The following MCF2L variants were observed in gnomAD, a reference collection of about 807,000 sequenced individuals.
The protein encoded by MCF2L is guanine nucleotide exchange factor DBS.
A neutral mutation model predicts 153.4 loss-of-function variants in MCF2L; 97 were observed. The ratio of observed to expected loss-of-function variants is 0.63; its 90% confidence interval spans 0.54 to 0.75. The LOEUF is 0.75. MCF2L is among the 30% of genes least tolerant of loss of function. The pLI, the probability that MCF2L is intolerant of heterozygous loss-of-function variation, is 0.00. For missense variants in MCF2L, 1,347 were observed against 1,495.2 expected (o/e 0.90, Z 1.64); for synonymous variants, 659 against 632.2 (o/e 1.04, Z -0.64).
At chr13:113,012,750 T>A (rs2084245581) in intron 1 of MCF2L, among the ~76,000 whole-genome samples, 1 of 113,200 alleles carries the variant, frequency 8.8e-6, no homozygotes, top group Non-Finnish European at 1.9e-5. Context: ...GTGGACACTG[T>A]GATGCGGACG....
At chr13:113,033,705 T>C (rs2141400972) in intron 3 of MCF2L, among the ~76,000 whole-genome samples, 1 of 152,248 alleles carries the variant, frequency 6.6e-6, no homozygotes, top group South Asian at 2.1e-4. Context: ...GGCCTGAGGC[T>C]GTGCTGGCCC....
chr13:113,026,385 C>T (rs1188659894), intron 3 of MCF2L, among the ~76,000 whole-genome samples: 3 of 152,210 alleles, frequency 2.0e-5, no homozygotes, highest in African/African-American at 7.2e-5. Flanking sequence ...CATCATGGTT[C>T]CGAGGAGCTC....
At position 113,022,516 on chromosome 13, in the gene MCF2L, G is replaced by A. The variant is rs180730628; in HGVS notation, c.164-2128G>A. Among the ~76,000 whole-genome samples the A allele has an allele frequency of 5.0e-3, 755 of 152,326 alleles. 3 individuals are homozygous for A. The highest frequency in any genetic ancestry group is 6.0e-3 in the African/African-American group (251 of 41,582). ...ACTCCACACACATAGGCTTCTGGGCGGTGCTGGAAGCTTCTGGCCCCTGAA... is the reference window on the plus strand; with the variant it reads ...ACTCCACACACATAGGCTTCTGGGCAGTGCTGGAAGCTTCTGGCCCCTGAA... On this transcript the variant is annotated intron_variant, in intron 2 of 29. Transcript: ENST00000535094.
intron 1 of MCF2L, among the ~76,000 whole-genome samples, chr13:112,980,338 T>C (rs1168756115): frequency 2.0e-5 from 3 of 152,240 alleles, no homozygotes; most frequent in African/African-American, 7.2e-5. Context: ...TGTTGCTGAT[T>C]TCCGCTCCAT....
rs1306352433 is a variant in MCF2L at position 113,011,788 on chromosome 13, G to A, written c.80-2975G>A. Among the ~76,000 whole-genome samples the A allele has an allele frequency of 2.1e-4, 26 of 123,742 alleles. 1 individual carries two copies. The highest frequency in any genetic ancestry group is 3.8e-4 in the Non-Finnish European group (22 of 58,400). 81.2% of individuals were successfully genotyped at this position (123,742 alleles called of 152,430 possible). A position where few individuals can be genotyped will look rare whatever the true frequency, so the allele number is the denominator to read the frequency against. ...ACAGGCGGTGTGGACGGTGGACACT[G>A]TGATGCGGACGGTGGACAGGCGGTG... On this transcript the variant is annotated intron_variant, in intron 1 of 29. Transcript: ENST00000535094.
chr13:113,026,593 C>T (rs1284847016), intron 3 of MCF2L, among the ~76,000 whole-genome samples: 1 of 152,176 alleles, frequency 6.6e-6, no homozygotes, highest in East Asian at 1.9e-4. Context: ...TTCTGCGGTG[C>T]GAGGGCTTCT....
rs917621574 is a variant in MCF2L, at chr13:112,960,312, G to C, written c.170-54451G>C. On this transcript the variant is annotated intron_variant, in intron 2 of 29. Coordinates refer to the MCF2L transcript ENST00000375608. The surrounding 1 kb of genome is among the most constrained non-coding windows in gnomAD (Gnocchi z 4.2). Reference sequence around the variant, plus strand: ...GGGGGCCAAGCGCGCTCTCACAACTGAAACAGCGCTCGTCCAGTCATGAGG... The same window carrying C: ...GGGGGCCAAGCGCGCTCTCACAACTCAAACAGCGCTCGTCCAGTCATGAGG... 6.6e-6 allele frequency among the ~76,000 whole-genome samples: 1 copy of C among 152,172 alleles called. No individual in the cohort carries two copies. The highest frequency in any genetic ancestry group is 1.5e-5 in the Non-Finnish European group (1 of 68,036).
intron 2 of MCF2L, chr13:112,917,487 C>T (rs560730301): frequency 6.8e-5 from 21 of 308,786 alleles, no homozygotes; most frequent in African/African-American, 2.4e-4. Context: ...CCCTCCCCAC[C>T]GCCGTCTCGC....
chr13:113,092,163 T>C (rs1405359738), intron 26 of MCF2L, among the ~76,000 whole-genome samples: 1 of 152,274 alleles, frequency 6.6e-6, no homozygotes, highest in Non-Finnish European at 1.5e-5. Context: ...TGAACTGGAG[T>C]CGGCAGAGCC....
At chr13:112,915,442 G>T (rs375366313) in intron 2 of MCF2L, among the ~76,000 whole-genome samples, 9 of 108,404 alleles carry the variant, frequency 8.3e-5, no homozygotes, top group African/African-American at 3.3e-4. Flanking sequence ...CTCACTACAC[G>T]CATCAGCAGT....
chr13:112,933,201 T>C (rs1440514951), intron 2 of MCF2L, among the ~76,000 whole-genome samples: 1 of 152,180 alleles, frequency 6.6e-6, no homozygotes, highest in African/African-American at 2.4e-5. Context: ...TCCAGTTGTG[T>C]GTCTGATCCA....
At chr13:112,958,523 C>G (rs1382433317) in intron 2 of MCF2L, among the ~76,000 whole-genome samples, 1 of 152,166 alleles carries the variant, frequency 6.6e-6, no homozygotes, top group African/African-American at 2.4e-5. Context: ...GACTGGGTGG[C>G]GGGGGCTGGG....
rs1005184948 is a variant in MCF2L, at chr13:113,074,891, G to T, written c.1117-107G>T. On this transcript the variant is annotated intron_variant, in intron 10 of 29. Transcript: ENST00000535094. This position sits in a 1 kb window ranked among gnomAD's most constrained non-coding sequence, Gnocchi z 4.2. ...TCAGGCATCCGCAGCAGTAAACAAA[G>T]AAATCAAGACACACGTGTGCCCCGG... 2.0e-5 allele frequency: 21 copies of T among 1,057,210 alleles called. No homozygotes were observed. Among genetic ancestry groups the T allele is most frequent in the Middle Eastern group, 2.2e-4 (1 of 4,644 alleles). The allele number at this position is 1,057,210 out of a possible 1,614,324, so 65.5% of individuals were successfully genotyped here. A position where few individuals can be genotyped will look rare whatever the true frequency, so the allele number is the denominator to read the frequency against.
At chr13:112,916,044 A>G (rs887991951) in intron 2 of MCF2L, among the ~76,000 whole-genome samples, 1 of 141,602 alleles carries the variant, frequency 7.1e-6, no homozygotes, top group Non-Finnish European at 1.5e-5. Context: ...TAAAAATACA[A>G]AAAAAAAAAA....
chr13:113,094,890 C>G, intron 27 of MCF2L: 4 of 1,208,070 alleles, frequency 3.3e-6, no homozygotes, highest in South Asian at 2.6e-5. Flanking sequence ...CCACCTGGGC[C>G]TGGGTCTTAG....
chr13:113,090,828 G>C, intron 26 of MCF2L: 1 of 1,090,960 alleles, frequency 9.2e-7, no homozygotes, highest in South Asian at 2.4e-5. Context: ...AACAGATTCT[G>C]GTGCTGCAAA....
intron 2 of MCF2L, among the ~76,000 whole-genome samples, chr13:112,911,422 C>G (rs1035923418): frequency 4.6e-5 from 7 of 152,228 alleles, no homozygotes; most frequent in African/African-American, 1.7e-4. Context: ...GGCCCAGCCG[C>G]TAGTCCTGTG....
intron 1 of MCF2L, among the ~76,000 whole-genome samples, chr13:113,007,211 G>C (rs1006042344): frequency 6.6e-6 from 1 of 152,186 alleles, no homozygotes; most frequent in Non-Finnish European, 1.5e-5. Context: ...CCAGGTGTAG[G>C]GTGGATGCTG....
chr13:113,087,716 G>A lies in MCF2L; in HGVS notation c.2605G>A (p.Val869Ile), dbSNP rs777313549. 28 of 1,613,816 alleles carry A rather than the reference G, an allele frequency of 1.7e-5. No homozygotes were observed. Among genetic ancestry groups the A allele is most frequent in the Admixed American group, 1.3e-4 (8 of 60,008 alleles). The change falls in exon 23 of 30, where the codon GTT (valine) becomes ATT (isoleucine). Residue 869 changes from valine to isoleucine, a missense_variant. By Grantham distance (29) the Val-to-Ile change is conservative. Around this residue, in one of 3 missense-constraint regions of MCF2L, gnomAD observed 144 missense variants for 238.7 expected, o/e 0.60. Coordinates refer to ENST00000535094, the MANE Select transcript of MCF2L (RefSeq NM_001112732.3). ...SYKQSLNMAAVGITENVKGDA... is the reference protein window; with the variant it reads ...SYKQSLNMAAIGITENVKGDA... ...CACTCTCTGCTCGCAGATGGCTGCC[G>A]TTGGCATTACGGAGAACGTGAAGGG... is the stretch of plus-strand genomic sequence containing the variant.
Sources: gnomAD v4.1 joint callset for allele counts (sites outside exome capture counted in the v4.1 genomes callset) on GRCh38, gnomAD v4.1.1 for gene constraint, gnomAD v4.1.1 regional missense constraint, Gnocchi (gnomAD v3.1) non-coding constraint, MANE v1.5 for transcripts, NCBI Gene and HGNC (gene_info 2026-07-23, HGNC 2026-07-21) for gene names.